The following BORCS5 variants were observed in gnomAD, a reference collection of about 807,000 sequenced individuals.
BORCS5 encodes BLOC-1 related complex subunit 5, also known as BLOC-1-related complex subunit 5.
In BORCS5, 17 loss-of-function variants were observed where a neutral mutation model predicts 22.1. The observed-to-expected ratio is 0.77, with a 90% CI of 0.53 to 1.15. BORCS5 has a LOEUF of 1.15. BORCS5 is among the 50% of genes most tolerant of loss of function. The pLI is 0.00. For synonymous variants in BORCS5, 117 were observed against 99.8 expected (o/e 1.17, Z -1.03); for missense variants, 247 against 253.2 (o/e 0.98, Z 0.17).
At chr12:12,420,285 C>G (rs1232664676) in intron 2 of BORCS5, among the ~76,000 whole-genome samples, 3 of 152,122 alleles carry the variant, frequency 2.0e-5, no homozygotes, top group Non-Finnish European at 4.4e-5. Flanking sequence ...TTTCCCAGCA[C>G]TATTTATTAA....
At chr12:12,446,027 C>T (rs1251028913) in intron 3 of BORCS5, among the ~76,000 whole-genome samples, 1 of 152,086 alleles carries the variant, frequency 6.6e-6, no homozygotes, top group African/African-American at 2.4e-5. Context: ...CTTTTTGACT[C>T]ACCAGGATAG....
At chr12:12,462,510 A>G (rs372288101) in intron 3 of BORCS5, among the ~76,000 whole-genome samples, 5 of 152,118 alleles carry the variant, frequency 3.3e-5, no homozygotes, top group South Asian at 4.1e-4. Flanking sequence ...TGAACTTGCA[A>G]TCTTAACCGT....
Position 12,466,160 on chromosome 12 carries a change from T to C in BORCS5, c.*384T>C, listed in dbSNP as rs1943198853. ...GGGGAAAATATTTTACGAAGCTCTG[T>C]GTTCTCAACGCCCTCATGAACTTTT... On this transcript the variant is annotated 3_prime_UTR_variant, in exon 4 of 4. Coordinates refer to ENST00000314565, the MANE Select transcript of BORCS5 (RefSeq NM_058169.6). 3 of 177,474 alleles carry C rather than the reference T, an allele frequency of 1.7e-5. No individual in the cohort carries two copies. The highest frequency in any genetic ancestry group is 3.5e-5 in the Non-Finnish European group (3 of 84,524). The allele number at this position is 177,474 out of a possible 1,614,324, so 11.0% of individuals were successfully genotyped here. A position where few individuals can be genotyped will look rare whatever the true frequency, so the allele number is the denominator to read the frequency against.
At chr12:12,424,675 C>T (rs190051063) in intron 2 of BORCS5, among the ~76,000 whole-genome samples, 1 of 151,970 alleles carries the variant, frequency 6.6e-6, no homozygotes, top group Non-Finnish European at 1.5e-5. Flanking sequence ...GATTCTCCCC[C>T]TTCTCTGGGT....
At chr12:12,445,103 C>T (rs1360391067) in intron 3 of BORCS5, among the ~76,000 whole-genome samples, 1 of 152,190 alleles carries the variant, frequency 6.6e-6, no homozygotes, top group East Asian at 1.9e-4. Flanking sequence ...GAGTGCAATA[C>T]CACAATCATA....
chr12:12,392,506 G>A (rs964843440), intron 2 of BORCS5, among the ~76,000 whole-genome samples: 4 of 152,074 alleles, frequency 2.6e-5, no homozygotes, highest in Non-Finnish European at 5.9e-5. Context: ...ATAGACTTTT[G>A]AGAACAGTCA....
intron 3 of BORCS5, among the ~76,000 whole-genome samples, chr12:12,442,028 A>G (rs907328249): frequency 6.6e-6 from 1 of 152,170 alleles, no homozygotes; most frequent in African/African-American, 2.4e-5. Context: ...TACATCTATC[A>G]TTGAAATGTG....
chr12:12,468,910 A>G lies in BORCS5; in HGVS notation c.*3134A>G, dbSNP rs568067867. On this transcript the variant is annotated 3_prime_UTR_variant, in exon 4 of 4. Coordinates refer to ENST00000314565, the MANE Select transcript of BORCS5 (RefSeq NM_058169.6). ...ATATATGGTTTTATAGACCACACAT[A>G]TATAGTTTCCTGTGTCTTAGATGAT... 1 of 152,294 alleles carries G rather than the reference A, an allele frequency of 6.6e-6. No individual in the cohort carries two copies. Among genetic ancestry groups the G allele is most frequent in the African/African-American group, 2.4e-5 (1 of 41,564 alleles). 9.4% of individuals were successfully genotyped at this position (152,294 alleles called of 1,614,324 possible).
At position 12,404,372 on chromosome 12, in the gene BORCS5, G is replaced by T. The variant is rs1393572740; in HGVS notation, c.203-31256G>T. 3.9e-5 allele frequency among the ~76,000 whole-genome samples: 6 copies of T among 152,176 alleles called. No individual in the cohort carries two copies. The East Asian group carries it at 1.2e-3, about 29-fold the overall frequency. ...TGGAGGCTGGGAAGTTCAAGATTAAGGTTTGTTGAGTGCTGCGTCTTCTAG... is the reference window on the plus strand; with the variant it reads ...TGGAGGCTGGGAAGTTCAAGATTAATGTTTGTTGAGTGCTGCGTCTTCTAG... On this transcript the variant is annotated intron_variant, in intron 2 of 3. Transcript: ENST00000314565.
chr12:12,470,781 T>TA lies in BORCS5; in HGVS notation c.*5011dup, dbSNP rs1453923257. Among the ~76,000 whole-genome samples, 3 of 150,830 alleles carry TA rather than the reference T, an allele frequency of 2.0e-5. No individual in the cohort carries two copies. Among genetic ancestry groups the TA allele is most frequent in the Non-Finnish European group, 4.4e-5 (3 of 67,786 alleles). On this transcript the variant is annotated 3_prime_UTR_variant, in exon 4 of 4. Transcript: ENST00000314565. Reference sequence around the variant, plus strand: ...ATCCACATGCTTCAAACCAAAAAGATAAAAAAGTTGGCAACTAGATCTAGT... The same window carrying TA: ...ATCCACATGCTTCAAACCAAAAAGATAAAAAAAGTTGGCAACTAGATCTAGT...
intron 2 of BORCS5, among the ~76,000 whole-genome samples, chr12:12,416,742 T>G (rs1188552153): frequency 6.6e-6 from 1 of 151,882 alleles, no homozygotes; most frequent in Non-Finnish European, 1.5e-5. Context: ...ATTATAGATT[T>G]GAGTCACCGC....
At chr12:12,417,271 C>T (rs1414884720) in intron 2 of BORCS5, among the ~76,000 whole-genome samples, 1 of 151,918 alleles carries the variant, frequency 6.6e-6, no homozygotes, top group African/African-American at 2.4e-5. Flanking sequence ...GTGGATTTTC[C>T]AGTTTTTCTT....
intron 2 of BORCS5, among the ~76,000 whole-genome samples, chr12:12,372,158 G>C (rs12831276): frequency 6.6e-6 from 1 of 151,916 alleles, no homozygotes; most frequent in South Asian, 2.1e-4. Flanking sequence ...TCATGCCTTA[G>C]TCTCCTGAGT....
chr12:12,453,244 T>G (rs1280953762), intron 3 of BORCS5, among the ~76,000 whole-genome samples: 1 of 152,226 alleles, frequency 6.6e-6, no homozygotes, highest in Non-Finnish European at 1.5e-5. Flanking sequence ...ATGAATGCTG[T>G]CAGTATGAGT....
At chr12:12,368,251 A>G (rs1592056300) in intron 2 of BORCS5, among the ~76,000 whole-genome samples, 1 of 147,252 alleles carries the variant, frequency 6.8e-6, no homozygotes, top group South Asian at 2.1e-4. Context: ...TTAGTTTATG[A>G]TACCTCCCCA....
chr12:12,421,827 GTTTA>G lies in BORCS5; in HGVS notation c.203-13797_203-13794del, dbSNP rs2136105545. Among the ~76,000 whole-genome samples, 2 of 152,282 alleles carry G rather than the reference GTTTA, an allele frequency of 1.3e-5. 1 individual carries two copies. The highest frequency in any genetic ancestry group is 4.1e-4 in the South Asian group (2 of 4,830). On this transcript the variant is annotated intron_variant, in intron 2 of 3. Transcript: ENST00000314565. The stretch of plus-strand genomic sequence containing the variant: ...TTATCCATTTCTTCTAGATTTTCTA[GTTTA>G]TTTGTGTAGAAGTGTTTATAGTGTT...
At chr12:12,465,340 C>T (rs767647303) in intron 3 of BORCS5, among the ~76,000 whole-genome samples, 1 of 152,160 alleles carries the variant, frequency 6.6e-6, no homozygotes, top group Non-Finnish European at 1.5e-5. Context: ...GGACAGTCCC[C>T]TCTCAGTTCT....
chr12:12,451,388 G>A (rs930449237), intron 3 of BORCS5, among the ~76,000 whole-genome samples: 2 of 152,132 alleles, frequency 1.3e-5, no homozygotes, highest in African/African-American at 4.8e-5. Flanking sequence ...AAGGAATTAA[G>A]GAATGCCGCA....
chr12:12,439,386 C>T (rs960783785), intron 3 of BORCS5, among the ~76,000 whole-genome samples: 18 of 151,958 alleles, frequency 1.2e-4, no homozygotes, highest in Non-Finnish European at 2.4e-4. Context: ...CCAGCACTTT[C>T]GGAGGCCAAG....
Sources: gnomAD v4.1 joint callset for allele counts (sites outside exome capture counted in the v4.1 genomes callset) on GRCh38, gnomAD v4.1.1 for gene constraint, MANE v1.5 for transcripts, NCBI Gene and HGNC (gene_info 2026-07-23, HGNC 2026-07-21) for gene names.